The following KIRREL3 variants were observed in gnomAD, a reference collection of about 807,000 sequenced individuals.
The protein encoded by KIRREL3 is kirre like nephrin family adhesion molecule 3.
Under a neutral mutation model 89.7 loss-of-function variants are expected in KIRREL3, and 36 were observed. That is an observed-to-expected ratio of 0.40 (90% CI 0.31 to 0.53). The LOEUF (loss-of-function observed/expected upper bound fraction) is 0.53, where lower values mean the gene tolerates loss of function less well. Among genes scored for constraint, KIRREL3 ranks in the 20% least tolerant of loss-of-function variants. KIRREL3 has a pLI of 0.49. For synonymous variants in KIRREL3, 445 were observed against 441.4 expected, an observed-to-expected ratio of 1.01 and a Z score of -0.10; for missense variants, 864 against 1,056.6, an observed-to-expected ratio of 0.82 and a Z score of 2.53.
chr11:126,622,620 C>T lies in KIRREL3; in HGVS notation c.56-59708G>A, dbSNP rs1050582493. Among the ~76,000 whole-genome samples, 44 of 152,132 alleles carry T rather than the reference C, an allele frequency of 2.9e-4. No individual in the cohort carries two copies. Among genetic ancestry groups the T allele is most frequent in the African/African-American group, 1.0e-3 (43 of 41,430 alleles). On this transcript the variant is annotated intron_variant, in intron 1 of 16. Coordinates refer to ENST00000525144, the MANE Select transcript of KIRREL3 (RefSeq NM_032531.4). This position sits in a 1 kb window ranked among gnomAD's most constrained non-coding sequence, Gnocchi z 5.2. ...AGAAGAATCACTTGAACCCTGGAGG[C>T]GGAGGTTGCAGTGAGCTGAGATCAC...
At chr11:126,809,524 A>G (rs954441520) in intron 1 of KIRREL3, among the ~76,000 whole-genome samples, 1 of 152,252 alleles carries the variant, frequency 6.6e-6, no homozygotes, top group Non-Finnish European at 1.5e-5. Context: ...GCAAATGCAA[A>G]GAAGGGAGAG....
Position 126,697,854 on chromosome 11 carries a change from T to C in KIRREL3, c.56-134942A>G, listed in dbSNP as rs1947161767. 6.6e-6 allele frequency among the ~76,000 whole-genome samples: 1 copy of C among 152,020 alleles called. No individual in the cohort carries two copies. The highest frequency in any genetic ancestry group is 1.5e-5 in the Non-Finnish European group (1 of 68,002). On this transcript the variant is annotated intron_variant, in intron 1 of 16. Coordinates refer to ENST00000525144, the MANE Select transcript of KIRREL3 (RefSeq NM_032531.4). This position sits in a 1 kb window ranked among gnomAD's most constrained non-coding sequence, Gnocchi z 4.2. Reference sequence around the variant, plus strand: ...GCTCTTGACAGTCATCTGAGGATCTTTGTTGGTGATGAGGAGAGTGGGAGG... The same window carrying C: ...GCTCTTGACAGTCATCTGAGGATCTCTGTTGGTGATGAGGAGAGTGGGAGG...
rs1955044398 is a variant in KIRREL3 at position 126,429,264 on chromosome 11, T to C, written c.1721A>G (p.Lys574Arg). Reference sequence around the variant, plus strand: ...GACAATTTCCACTCGGATATCATTTTTGGCTGACACAACACCTTTGAGATC... The same window carrying C: ...GACAATTTCCACTCGGATATCATTTCTGGCTGACACAACACCTTTGAGATC... ...QRNLKGVVSAKNDIRVEIVHK... is the reference protein window; with the variant it reads ...QRNLKGVVSARNDIRVEIVHK... Residue 574 changes from lysine to arginine, a missense_variant, in exon 15 of 17, where the codon AAA (lysine) becomes AGA (arginine). Transcript: ENST00000525144. The surrounding 1 kb of genome is among the most constrained non-coding windows in gnomAD (Gnocchi z 5.2). The C allele has an allele frequency of 1.9e-6, 3 of 1,613,668 alleles. No individual in the cohort carries two copies. In the African/African-American group the frequency reaches 4.0e-5, roughly 22 times the overall value.
At chr11:126,971,525 G>A (rs185620946) in intron 1 of KIRREL3, among the ~76,000 whole-genome samples, 46 of 152,098 alleles carry the variant, frequency 3.0e-4, no homozygotes, top group Admixed American at 2.7e-3. Flanking sequence ...TACTGAGTTC[G>A]GCACCCATAA....
In KIRREL3 at chr11:126,697,462, T is replaced by C. The variant is rs1006390964; in HGVS notation, c.56-134550A>G. ...CACAGACCCTGACTCAGAGGAGATA[T>C]TCAATGAATGCTGGTTCTACTCTAC... On this transcript the variant is annotated intron_variant, in intron 1 of 16. Transcript: ENST00000525144. The surrounding 1 kb of genome is among the most constrained non-coding windows in gnomAD (Gnocchi z 4.2). Among the ~76,000 whole-genome samples the C allele has an allele frequency of 6.6e-6, 1 of 152,240 alleles. No homozygotes were observed. Among genetic ancestry groups the C allele is most frequent in the Non-Finnish European group, 1.5e-5 (1 of 68,044 alleles).
intron 1 of KIRREL3, among the ~76,000 whole-genome samples, chr11:126,735,259 T>C (rs1476754419): frequency 3.9e-5 from 6 of 152,176 alleles, no homozygotes; most frequent in African/African-American, 1.4e-4. Flanking sequence ...GGTAGTAACA[T>C]TAGCTGGGTC....
At position 126,694,574 on chromosome 11, in the gene KIRREL3, C is replaced by T. The variant is rs1947011835; in HGVS notation, c.56-131662G>A. 6.6e-6 allele frequency among the ~76,000 whole-genome samples: 1 copy of T among 152,116 alleles called. No homozygotes were observed. Among genetic ancestry groups the T allele is most frequent in the African/African-American group, 2.4e-5 (1 of 41,412 alleles). On this transcript the variant is annotated intron_variant, in intron 1 of 16. Transcript: ENST00000525144. This position sits in a 1 kb window ranked among gnomAD's most constrained non-coding sequence, Gnocchi z 4.4. ...GGTTTGGGGGTGCTGACTAGGCCTT[C>T]ACACAAAGAGGAATCTGCTCTTGTG...
intron 10 of KIRREL3, among the ~76,000 whole-genome samples, chr11:126,444,352 G>A (rs997959346): frequency 6.6e-6 from 1 of 152,234 alleles, no homozygotes; most frequent in Non-Finnish European, 1.5e-5. Flanking sequence ...TTCTCATGGG[G>A]CCAGGAGAGG....
chr11:126,831,437 C>T (rs1035565525), intron 1 of KIRREL3, among the ~76,000 whole-genome samples: 1 of 151,174 alleles, frequency 6.6e-6, no homozygotes, highest in Admixed American at 6.6e-5. Flanking sequence ...CTCTCTCTTT[C>T]TCTCTCTCTC....
intron 1 of KIRREL3, among the ~76,000 whole-genome samples, chr11:126,638,342 G>A (rs924824833): frequency 2.6e-5 from 4 of 152,146 alleles, no homozygotes; most frequent in Non-Finnish European, 2.9e-5. Flanking sequence ...TCCTGTTGTT[G>A]GAAAAACGTA....
chr11:126,505,793 G>A (rs1415990217), intron 4 of KIRREL3, among the ~76,000 whole-genome samples: 3 of 152,130 alleles, frequency 2.0e-5, no homozygotes, highest in Non-Finnish European at 4.4e-5. Context: ...ACACTGCTGA[G>A]AAAAATTGAA....
chr11:126,634,999 G>A (rs917729104), intron 1 of KIRREL3, among the ~76,000 whole-genome samples: 4 of 152,210 alleles, frequency 2.6e-5, no homozygotes, highest in African/African-American at 7.2e-5. Context: ...CTCAGCAAGT[G>A]GGGACAGTTC....
intron 1 of KIRREL3, among the ~76,000 whole-genome samples, chr11:126,967,158 C>A (rs1252178778): frequency 3.3e-5 from 5 of 152,192 alleles, no homozygotes; most frequent in Non-Finnish European, 5.9e-5. Flanking sequence ...AGCTCAAACA[C>A]CTCTGACACC....
chr11:126,552,559 T>TTTTTTG (rs1565544860), intron 2 of KIRREL3, among the ~76,000 whole-genome samples: 1 of 76,916 alleles, frequency 1.3e-5, no homozygotes, highest in African/African-American at 5.8e-5. Flanking sequence ...AGTTTTTTTT[T>TTTTTTG]TTTTTTTTTT....
intron 1 of KIRREL3, among the ~76,000 whole-genome samples, chr11:126,616,914 T>A (rs1317961125): frequency 2.0e-5 from 3 of 152,236 alleles, no homozygotes; most frequent in Non-Finnish European, 4.4e-5. Context: ...AGTGTTGGGA[T>A]TACAGGTGTG....
intron 4 of KIRREL3, among the ~76,000 whole-genome samples, chr11:126,507,754 C>G (rs1958073266): frequency 6.6e-6 from 1 of 152,180 alleles, no homozygotes; most frequent in African/African-American, 2.4e-5. Context: ...CTGGCATCTT[C>G]TTGTGTTTCT....
intron 1 of KIRREL3, among the ~76,000 whole-genome samples, chr11:126,757,182 T>C (rs1949531180): frequency 2.0e-5 from 3 of 151,688 alleles, no homozygotes; most frequent in Admixed American, 6.6e-5. Context: ...ACATAAACAA[T>C]CACTTCTGTT....
chr11:126,641,683 A>G lies in KIRREL3; in HGVS notation c.56-78771T>C, dbSNP rs1944480232. ...TTGCAGCTGACTCCATACCCCTATT[A>G]CATAACACAAGTCTTTCTCCTTCTC... On this transcript the variant is annotated intron_variant, in intron 1 of 16. Transcript: ENST00000525144. The surrounding 1 kb of genome is among the most constrained non-coding windows in gnomAD (Gnocchi z 5.0). Among the ~76,000 whole-genome samples the G allele has an allele frequency of 1.3e-5, 2 of 152,108 alleles. No homozygotes were observed. Among genetic ancestry groups the G allele is most frequent in the South Asian group, 4.2e-4 (2 of 4,812 alleles).
Position 126,558,917 on chromosome 11 carries a change from TTGTGTGTGTA to T in KIRREL3, c.133+3908_133+3917del, listed in dbSNP as rs1278390956. Among the ~76,000 whole-genome samples, 2 of 151,856 alleles carry T rather than the reference TTGTGTGTGTA, an allele frequency of 1.3e-5. No homozygotes were observed. Among genetic ancestry groups the T allele is most frequent in the East Asian group, 1.9e-4 (1 of 5,164 alleles). ...ATACATATGCATGCAGGTGTGTGCA[TTGTGTGTGTA>T]TGTGTGTGTGCATGCTCATGTGTGT... On this transcript the variant is annotated intron_variant, in intron 2 of 16. Transcript: ENST00000525144. The surrounding 1 kb of genome is among the most constrained non-coding windows in gnomAD (Gnocchi z 4.0).
Sources: allele counts gnomAD v4.1 joint callset (sites outside exome capture counted in the v4.1 genomes callset), GRCh38; gene constraint gnomAD v4.1.1; non-coding constraint Gnocchi (gnomAD v3.1); transcripts MANE v1.5; gene names NCBI Gene and HGNC (gene_info 2026-07-23, HGNC 2026-07-21).